The following MEIS2 variants were observed in gnomAD, a reference collection of about 807,000 sequenced individuals.
The protein encoded by MEIS2 is Meis homeobox 2.
Under a neutral mutation model 58.6 loss-of-function variants are expected in MEIS2, and 9 were observed. That is an observed-to-expected ratio of 0.15 (90% confidence interval 0.09 to 0.27). The LOEUF is 0.27. Ranked by LOEUF, MEIS2 falls within the 10% of genes least tolerant of loss-of-function variation. The pLI is 1.00. For missense variants in MEIS2, 427 were observed against 635.0 expected (o/e 0.67, Z 3.52); for synonymous variants, 221 against 228.4 (o/e 0.97, Z 0.29).
At chr15:37,052,217 C>T (rs1245007188) in intron 7 of MEIS2, among the ~76,000 whole-genome samples, 1 of 152,152 alleles carries the variant, frequency 6.6e-6, no homozygotes, top group Non-Finnish European at 1.5e-5. Flanking sequence ...TGCCAGCCTG[C>T]TCCATGCCTT....
At chr15:37,005,047 T>C (rs572000593) in intron 8 of MEIS2, among the ~76,000 whole-genome samples, 1 of 152,316 alleles carries the variant, frequency 6.6e-6, no homozygotes, top group African/African-American at 2.4e-5. Context: ...CTGGTTGATT[T>C]TACCTGATGT....
At chr15:37,058,297 CTCATATTATTTT>C (rs1302002084) in intron 7 of MEIS2, among the ~76,000 whole-genome samples, 2 of 152,292 alleles carry the variant, frequency 1.3e-5, no homozygotes, top group Non-Finnish European at 2.9e-5. Context: ...TATAGGATAA[CTCATATTATTTT>C]TCACTCTATT....
chr15:37,037,282 C>T (rs1039331377), intron 7 of MEIS2, among the ~76,000 whole-genome samples: 4 of 152,158 alleles, frequency 2.6e-5, no homozygotes, highest in South Asian at 2.1e-4. Context: ...TCAGTGGAAA[C>T]GCATCCCCAT....
intron 7 of MEIS2, among the ~76,000 whole-genome samples, chr15:37,079,648 A>G (rs573664982): frequency 1.2e-4 from 19 of 152,298 alleles, no homozygotes; most frequent in African/African-American, 4.3e-4. Flanking sequence ...ACTACTAAGG[A>G]GATATTTGTA....
chr15:37,000,423 C>T (rs1279261923), intron 8 of MEIS2, among the ~76,000 whole-genome samples: 5 of 152,128 alleles, frequency 3.3e-5, no homozygotes, highest in Admixed American at 3.3e-4. Flanking sequence ...ATTTACTCTT[C>T]ATCTTTCTGC....
At chr15:37,027,571 C>G (rs1050608832) in intron 8 of MEIS2, among the ~76,000 whole-genome samples, 4 of 152,154 alleles carry the variant, frequency 2.6e-5, no homozygotes, top group African/African-American at 9.7e-5. Flanking sequence ...CACATGCCTT[C>G]TATGTTCCTT....
rs541525860 is a variant in MEIS2 at position 37,086,777 on chromosome 15, G to A, written c.640-2892C>T. 6.8e-4 allele frequency among the ~76,000 whole-genome samples: 103 copies of A among 152,282 alleles called. 1 individual carries two copies. In the Middle Eastern group the frequency reaches 0.014, roughly 20 times the overall value. ...GCTGAGGAGTTACCACAAGTTGTTTGTATTGAGCTACACAAGGTGGTGATG... is the reference window on the plus strand; with the variant it reads ...GCTGAGGAGTTACCACAAGTTGTTTATATTGAGCTACACAAGGTGGTGATG... On this transcript the variant is annotated intron_variant, in intron 6 of 11. Transcript: ENST00000561208.
chr15:36,893,869 C>T (rs1253472361), intron 11 of MEIS2, among the ~76,000 whole-genome samples: 4 of 152,074 alleles, frequency 2.6e-5, no homozygotes, highest in African/African-American at 4.8e-5. Context: ...AATCAAGGTA[C>T]GTGTTGTTAT....
At chr15:36,901,118 CA>C (rs761086134) in intron 9 of MEIS2, 1 of 152,176 alleles carries the variant, frequency 6.6e-6, no homozygotes, top group Non-Finnish European at 1.5e-5. Context: ...GAGATCAGAT[CA>C]ACTGGGGAAA....
chr15:37,037,801 G>A (rs964966098), intron 7 of MEIS2, among the ~76,000 whole-genome samples: 2 of 152,192 alleles, frequency 1.3e-5, no homozygotes, highest in Admixed American at 6.5e-5. Flanking sequence ...ATACGAGCAC[G>A]TCTTCCTGTT....
At chr15:37,098,471 C>G (rs1302223607) in intron 1 of MEIS2, 1 of 1,016,228 alleles carries the variant, frequency 9.8e-7, no homozygotes, top group Non-Finnish European at 1.3e-6. Context: ...GTACCGAGCA[C>G]AAGTTGAGCA....
At chr15:36,958,529 G>C (rs546504821) in intron 8 of MEIS2, among the ~76,000 whole-genome samples, 1 of 152,086 alleles carries the variant, frequency 6.6e-6, no homozygotes, top group Non-Finnish European at 1.5e-5. Flanking sequence ...GTGATGGTCC[G>C]ATACCACCAA....
intron 7 of MEIS2, among the ~76,000 whole-genome samples, chr15:37,081,504 T>A (rs1177787372): frequency 1.3e-5 from 2 of 152,176 alleles, no homozygotes; most frequent in Non-Finnish European, 2.9e-5. Flanking sequence ...TGAAACCCTG[T>A]TTAAAAGACT....
intron 11 of MEIS2, chr15:36,894,852 A>G (rs1281702124): frequency 6.8e-7 from 1 of 1,462,162 alleles, no homozygotes; most frequent in East Asian, 2.3e-5. Context: ...CCGGAAAATC[A>G]GCAATAATTG....
At chr15:36,962,092 G>A (rs551069184) in intron 8 of MEIS2, among the ~76,000 whole-genome samples, 14 of 152,318 alleles carry the variant, frequency 9.2e-5, no homozygotes, top group Admixed American at 4.6e-4. Flanking sequence ...TTGATTAGTT[G>A]AGCATTCATT....
rs75110945 is a variant in MEIS2 at position 36,905,071 on chromosome 15, C to A, written c.978-8385G>T. Among the ~76,000 whole-genome samples the A allele has an allele frequency of 1.5e-3, 233 of 151,892 alleles. 1 individual carries two copies. The highest frequency in any genetic ancestry group is 5.4e-3 in the African/African-American group (222 of 41,448). On this transcript the variant is annotated intron_variant, in intron 9 of 11. Transcript: ENST00000561208. ...GTGTGCACATGTACATGCATGGAAACACACACACACAGAGCAATAAACTTT... is the reference window on the plus strand; with the variant it reads ...GTGTGCACATGTACATGCATGGAAAAACACACACACAGAGCAATAAACTTT...
chr15:37,052,735 T>A (rs888458026), intron 7 of MEIS2, among the ~76,000 whole-genome samples: 4 of 152,182 alleles, frequency 2.6e-5, no homozygotes, highest in African/African-American at 9.6e-5. Context: ...CCCATTCACA[T>A]AAGAAAAATG....
At position 37,004,244 on chromosome 15, in the gene MEIS2, T is replaced by C. The variant is rs911841277; in HGVS notation, c.900+32570A>G. On this transcript the variant is annotated intron_variant, in intron 8 of 11. Coordinates refer to ENST00000561208, the MANE Select transcript of MEIS2 (RefSeq NM_170675.5). ...TTCCTGTACTCAAGAGAAATAATTA[T>C]CTATACCAAAATCTTAGGATAACTA... Among the ~76,000 whole-genome samples, 62 of 152,286 alleles carry C rather than the reference T, an allele frequency of 4.1e-4. 1 individual carries two copies. Among genetic ancestry groups the C allele is most frequent in the Admixed American group, 2.0e-3 (30 of 15,292 alleles).
chr15:37,095,466 G>T (rs1894112541), intron 4 of MEIS2, 98 bp downstream of exon 4: 1 of 1,570,522 alleles, frequency 6.4e-7, no homozygotes, highest in South Asian at 1.1e-5. Context: ...CCAAAAGAGG[G>T]TTCTGTTCTA....
Sources: allele counts gnomAD v4.1 joint callset (sites outside exome capture counted in the v4.1 genomes callset), GRCh38; gene constraint gnomAD v4.1.1; transcripts MANE v1.5; gene names NCBI Gene and HGNC (gene_info 2026-07-23, HGNC 2026-07-21).